The following CSMD3 variants were observed in gnomAD, a reference collection of about 807,000 sequenced individuals.
The protein encoded by CSMD3 is CUB and Sushi multiple domains 3, also known as CUB and sushi domain-containing protein 3.
In CSMD3, 177 loss-of-function variants were observed where a neutral mutation model predicts 435.2. The ratio of observed to expected loss-of-function variants is 0.41; its 90% confidence interval spans 0.36 to 0.46. The LOEUF is 0.46. CSMD3 is among the 20% of genes least tolerant of loss of function. The pLI, the probability that CSMD3 is intolerant of heterozygous loss-of-function variation, is 0.34. For synonymous variants in CSMD3, 1,656 were observed against 1,520.5 expected, an observed-to-expected ratio of 1.09 and a Z score of -2.07; for missense variants, 4,265 against 4,504.6, an observed-to-expected ratio of 0.95 and a Z score of 1.52.
intron 13 of CSMD3, among the ~76,000 whole-genome samples, chr8:112,778,222 T>C (rs1307857825): frequency 6.6e-6 from 1 of 151,886 alleles, no homozygotes; most frequent in African/African-American, 2.4e-5. Flanking sequence ...CACATCATTA[T>C]CACCCAAAGT....
chr8:113,415,461 A>C (rs1212308801), intron 1 of CSMD3, among the ~76,000 whole-genome samples: 1 of 152,216 alleles, frequency 6.6e-6, no homozygotes, highest in Non-Finnish European at 1.5e-5. Context: ...AACGCAAAGC[A>C]GATTTCTCCC....
intron 22 of CSMD3, among the ~76,000 whole-genome samples, chr8:112,618,485 T>A (rs1479301345): frequency 2.0e-5 from 3 of 152,070 alleles, no homozygotes; most frequent in Non-Finnish European, 4.4e-5. Context: ...ATTGTATGCC[T>A]TGGATGCCTG....
chr8:112,893,202 T>C (rs1166141487), intron 10 of CSMD3, among the ~76,000 whole-genome samples: 1 of 151,438 alleles, frequency 6.6e-6, no homozygotes, highest in African/African-American at 2.4e-5. Context: ...TAACAAACTC[T>C]CACAACAACC....
chr8:113,216,925 T>C (rs942946409), intron 3 of CSMD3, among the ~76,000 whole-genome samples: 6 of 151,812 alleles, frequency 4.0e-5, no homozygotes, highest in South Asian at 2.1e-4. Context: ...CTAAGATCCA[T>C]ATGTGCAGGG....
chr8:112,930,714 G>A lies in CSMD3; in HGVS notation c.1509-8963C>T, dbSNP rs534179537. Among the ~76,000 whole-genome samples, 3 of 152,048 alleles carry A rather than the reference G, an allele frequency of 2.0e-5. No individual in the cohort carries two copies. The South Asian group carries it at 6.2e-4, about 32-fold the overall frequency. ...GACGTTTTTACCAGTTAATGTCATA[G>A]AAATTTGCAAGAGTAACCCACAAGG... On this transcript the variant is annotated intron_variant, in intron 9 of 70. Coordinates refer to ENST00000297405, the MANE Select transcript of CSMD3 (RefSeq NM_198123.2).
At chr8:113,056,696 T>C (rs564407874) in intron 5 of CSMD3, among the ~76,000 whole-genome samples, 19 of 152,304 alleles carry the variant, frequency 1.2e-4, no homozygotes, top group Admixed American at 9.8e-4. Flanking sequence ...TTGTTTTACT[T>C]TCTTTGTTGT....
At chr8:113,239,610 T>G (rs975065046) in intron 3 of CSMD3, among the ~76,000 whole-genome samples, 1 of 152,112 alleles carries the variant, frequency 6.6e-6, no homozygotes, top group Non-Finnish European at 1.5e-5. Context: ...GGGCTGTTTC[T>G]GTAACAAGTA....
At chr8:113,203,466 C>G (rs960317885) in intron 3 of CSMD3, among the ~76,000 whole-genome samples, 2 of 151,612 alleles carry the variant, frequency 1.3e-5, no homozygotes, top group African/African-American at 4.8e-5. Flanking sequence ...GAGATGGAGC[C>G]TCACTTTGTT....
At chr8:112,835,092 T>G (rs1294640567) in intron 11 of CSMD3, among the ~76,000 whole-genome samples, 1 of 151,892 alleles carries the variant, frequency 6.6e-6, no homozygotes. Flanking sequence ...AATCTACTAA[T>G]GAAGTCAATT....
At chr8:112,588,138 G>A (rs1830884531) in intron 22 of CSMD3, among the ~76,000 whole-genome samples, 1 of 150,430 alleles carries the variant, frequency 6.6e-6, no homozygotes. Context: ...CAAACCATAG[G>A]GCAGAAATAT....
At chr8:112,730,732 GT>G (rs778455680) in intron 13 of CSMD3, among the ~76,000 whole-genome samples, 1 of 151,788 alleles carries the variant, frequency 6.6e-6, no homozygotes, top group East Asian at 1.9e-4. Context: ...CAGATCAATT[GT>G]TTTTTTTGTT....
At chr8:113,116,303 C>A (rs1457740927) in intron 4 of CSMD3, among the ~76,000 whole-genome samples, 1 of 152,090 alleles carries the variant, frequency 6.6e-6, no homozygotes, top group African/African-American at 2.4e-5. Flanking sequence ...ATAGTAAGTT[C>A]TCACAAGATC....
intron 13 of CSMD3, among the ~76,000 whole-genome samples, chr8:112,786,129 T>C (rs2078531814): frequency 6.6e-6 from 1 of 151,974 alleles, no homozygotes; most frequent in Non-Finnish European, 1.5e-5. Flanking sequence ...AATCCATACA[T>C]TTGCAATGAA....
intron 4 of CSMD3, among the ~76,000 whole-genome samples, chr8:113,117,484 C>G (rs2090867813): frequency 6.6e-6 from 1 of 152,220 alleles, no homozygotes; most frequent in Admixed American, 6.5e-5. Flanking sequence ...CATAAAGAAT[C>G]TCTGCTAGGG....
At chr8:112,468,234 A>ATTT (rs771573736) in intron 32 of CSMD3, among the ~76,000 whole-genome samples, 3 of 93,692 alleles carry the variant, frequency 3.2e-5, no homozygotes, top group Non-Finnish European at 4.7e-5. Flanking sequence ...TGCCTAAAGT[A>ATTT]TTTTTTTTTT....
intron 1 of CSMD3, among the ~76,000 whole-genome samples, chr8:113,378,456 G>A (rs1009826280): frequency 6.6e-6 from 1 of 152,154 alleles, no homozygotes; most frequent in African/African-American, 2.4e-5. Flanking sequence ...ATTGTGGTAA[G>A]TTATATAAAG....
At chr8:112,302,098 A>G (rs916527648) in intron 52 of CSMD3, 132 bp from the exon 53 acceptor site, 12 of 683,714 alleles carry the variant, frequency 1.8e-5, no homozygotes, top group Non-Finnish European at 2.1e-5. Flanking sequence ...TTTGTAAAAC[A>G]TGTTTGAATG....
Position 113,371,169 on chromosome 8 carries a change from T to C in CSMD3, c.179-56376A>G, listed in dbSNP as rs560306968. ...AAATAGATATGCCATTTTTCTATTA[T>C]AATGAGTTGCTTACATATTTGTCTT... On this transcript the variant is annotated intron_variant, in intron 1 of 70. Transcript: ENST00000297405. Among the ~76,000 whole-genome samples the C allele has an allele frequency of 1.7e-3, 265 of 152,224 alleles. 1 individual carries two copies. Among genetic ancestry groups the C allele is most frequent in the Non-Finnish European group, 1.4e-3 (96 of 67,926 alleles).
At chr8:113,087,197 C>A (rs1233034559) in intron 5 of CSMD3, among the ~76,000 whole-genome samples, 17 of 152,164 alleles carry the variant, frequency 1.1e-4, no homozygotes, top group Non-Finnish European at 2.9e-5. Context: ...TGGAAAGTGG[C>A]ATCTTTTTTA....
Sources: gnomAD v4.1 joint callset for allele counts (sites outside exome capture counted in the v4.1 genomes callset) on GRCh38, gnomAD v4.1.1 for gene constraint, MANE v1.5 for transcripts, NCBI Gene and HGNC (gene_info 2026-07-23, HGNC 2026-07-21) for gene names.